PKHD1: variants seen among roughly 807,000 people sequenced by gnomAD.
PKHD1 encodes the protein PKHD1 ciliary IPT domain containing fibrocystin/polyductin.
In PKHD1, 291 loss-of-function variants were observed where a neutral mutation model predicts 412.0. That is an observed-to-expected ratio of 0.71 (90% CI 0.64 to 0.78). The LOEUF (loss-of-function observed/expected upper bound fraction) is 0.78. Ranked by LOEUF, PKHD1 falls within the 30% of genes least tolerant of loss-of-function variation. The pLI is 0.00. For synonymous variants in PKHD1, 1,777 were observed against 1,821.5 expected, an observed-to-expected ratio of 0.98 and a Z score of 0.62; for missense variants, 4,825 against 4,950.7, an observed-to-expected ratio of 0.97 and a Z score of 0.76.
At chr6:51,739,291 C>T (rs1445400319) in intron 60 of PKHD1, among the ~76,000 whole-genome samples, 1 of 151,704 alleles carries the variant, frequency 6.6e-6, no homozygotes, top group Non-Finnish European at 1.5e-5. Flanking sequence ...AGTGCAGTGG[C>T]GTCATCTTGG....
intron 52 of PKHD1, among the ~76,000 whole-genome samples, chr6:51,814,729 G>A (rs1582845205): frequency 1.3e-5 from 2 of 152,324 alleles, no homozygotes; most frequent in South Asian, 4.1e-4. Context: ...GTGGGAGGAG[G>A]GAGGAGGCAA....
At position 51,747,020 on chromosome 6, in the gene PKHD1, A is replaced by C. The variant is rs1785283182; in HGVS notation, c.9830-131T>G. 14 of 621,310 alleles carry C rather than the reference A, an allele frequency of 2.3e-5. No individual in the cohort carries two copies. The South Asian group carries it at 3.0e-4, about 13-fold the overall frequency. 38.5% of individuals were successfully genotyped at this position (621,310 alleles called of 1,614,324 possible). A position where few individuals can be genotyped will look rare whatever the true frequency, so the allele number is the denominator to read the frequency against. On this transcript the variant is annotated intron_variant, in intron 58 of 66. Transcript: ENST00000371117. ...AGTTAAAGCTATCCAGGATAGCCTTAGGAGTTTACATACATCTTGATATAA... is the reference window on the plus strand; with the variant it reads ...AGTTAAAGCTATCCAGGATAGCCTTCGGAGTTTACATACATCTTGATATAA...
At chr6:51,669,223 C>A (rs879042103) in intron 60 of PKHD1, among the ~76,000 whole-genome samples, 110 of 152,130 alleles carry the variant, frequency 7.2e-4, no homozygotes, top group African/African-American at 2.5e-3. Flanking sequence ...ACAATTTCAG[C>A]TCCTGTTATT....
intron 60 of PKHD1, among the ~76,000 whole-genome samples, chr6:51,723,280 C>G (rs1782156987): frequency 6.6e-6 from 1 of 152,112 alleles, no homozygotes; most frequent in Admixed American, 6.6e-5. Context: ...GTGATGAGTC[C>G]CATTTTCAAC....
At chr6:51,672,298 A>G (rs1775133148) in intron 60 of PKHD1, among the ~76,000 whole-genome samples, 1 of 152,208 alleles carries the variant, frequency 6.6e-6, no homozygotes, top group South Asian at 2.1e-4. Flanking sequence ...GTTTCCCCTT[A>G]GCTAGATTTC....
At chr6:51,989,881 AAAGGAAGGAAGGAAGGAGGGAGG>A (rs1562072017) in intron 35 of PKHD1, among the ~76,000 whole-genome samples, 12 of 80,498 alleles carry the variant, frequency 1.5e-4, no homozygotes, top group East Asian at 7.2e-4. Context: ...ACAAGGGAGA[AAAGGAAGGAAGGAAGGAGGGAGG>A]AAGGAAGGAA....
In PKHD1 at chr6:52,027,839, C is replaced by T. The variant is rs948061604; in HGVS notation, c.3618G>A (p.Gly1206=). 9 of 1,610,752 alleles carry T rather than the reference C, an allele frequency of 5.6e-6. No homozygotes were observed. The highest frequency in any genetic ancestry group is 1.7e-5 in the Admixed American group (1 of 60,024). ...ATAAGAGCCACTCACCCAGCAGGGA[C>T]CCACAGCAAGGCTCGATGCTGAAAA... ...TEVFSIEPCC[G]SLLGGTILSI... is the part of the protein sequence containing the mutation. Residue 1206 remains glycine (G), a synonymous_variant, in exon 31 of 67, where the codon GGG becomes GGA. Transcript: ENST00000371117.
chr6:52,065,309 C>A (rs1210429906), intron 12 of PKHD1, among the ~76,000 whole-genome samples: 2 of 151,354 alleles, frequency 1.3e-5, no homozygotes, highest in African/African-American at 4.9e-5. Context: ...AAAGTTGTCA[C>A]CCCAATTGAA....
At chr6:52,029,477 T>C (rs1169246991) in intron 29 of PKHD1, among the ~76,000 whole-genome samples, 1 of 152,160 alleles carries the variant, frequency 6.6e-6, no homozygotes, top group Non-Finnish European at 1.5e-5. Context: ...CAATAAAAGA[T>C]ATACTACAAG....
intron 36 of PKHD1, among the ~76,000 whole-genome samples, chr6:51,951,630 G>A (rs1249054804): frequency 6.6e-6 from 1 of 152,096 alleles, no homozygotes; most frequent in Non-Finnish European, 1.5e-5. Context: ...TTTTAAAAAT[G>A]AGAATACAGT....
intron 36 of PKHD1, among the ~76,000 whole-genome samples, chr6:51,945,001 T>A (rs1789243113): frequency 6.6e-6 from 1 of 152,242 alleles, no homozygotes; most frequent in Non-Finnish European, 1.5e-5. Flanking sequence ...ACCACACTGC[T>A]TACCAGACTT....
At chr6:52,086,451 A>C (rs1328129025) in intron 1 of PKHD1, among the ~76,000 whole-genome samples, 1 of 152,136 alleles carries the variant, frequency 6.6e-6, no homozygotes, top group African/African-American at 2.4e-5. Flanking sequence ...GATTAGCAGA[A>C]GTAGTTACAT....
chr6:51,885,862 C>T lies in PKHD1; in HGVS notation c.7215+5G>A. ...AACAATAACAACAACAACAAAAAAG[C>T]TTACCTGGGCACCACCTGCACTTTC... On this transcript the variant is annotated splice_donor_5th_base_variant and intron_variant, in intron 45 of 66. Coordinates refer to ENST00000371117, the MANE Select transcript of PKHD1 (RefSeq NM_138694.4). The T allele has an allele frequency of 1.3e-6, 2 of 1,583,452 alleles. No individual in the cohort carries two copies.
intron 53 of PKHD1, among the ~76,000 whole-genome samples, chr6:51,783,467 T>C (rs1231324793): frequency 2.3e-5 from 3 of 127,908 alleles, no homozygotes; most frequent in African/African-American, 8.1e-5. Flanking sequence ...GAAGTCCTTC[T>C]AAAAATATTA....
At chr6:51,991,895 T>C (rs1283757413) in intron 35 of PKHD1, among the ~76,000 whole-genome samples, 1 of 152,254 alleles carries the variant, frequency 6.6e-6, no homozygotes, top group African/African-American at 2.4e-5. Flanking sequence ...TATTTCATCA[T>C]ATTCCTATAC....
chr6:52,005,834 C>T (rs976068794), intron 35 of PKHD1, among the ~76,000 whole-genome samples: 6 of 151,730 alleles, frequency 4.0e-5, no homozygotes, highest in Admixed American at 6.6e-5. Flanking sequence ...GGAAAACCTA[C>T]GTAACTTTTT....
intron 61 of PKHD1, among the ~76,000 whole-genome samples, chr6:51,655,485 C>T (rs1265491192): frequency 2.6e-5 from 4 of 152,092 alleles, no homozygotes; most frequent in Admixed American, 6.6e-5. Context: ...ATTGCACACA[C>T]CCAGACACAC....
intron 25 of PKHD1, 121 bp from the exon 26 acceptor site, chr6:52,043,851 T>C (rs773265112): frequency 4.5e-6 from 3 of 673,504 alleles, no homozygotes; most frequent in Non-Finnish European, 8.0e-6. Flanking sequence ...TTCTTATTCC[T>C]TTTTTCTATT....
intron 37 of PKHD1, among the ~76,000 whole-genome samples, chr6:51,919,900 A>G (rs1373840227): frequency 6.6e-6 from 1 of 152,170 alleles, no homozygotes. Flanking sequence ...GCAATTGTGA[A>G]TGGGAGTTCA....
Sources: gnomAD v4.1 joint callset for allele counts (sites outside exome capture counted in the v4.1 genomes callset) on GRCh38, gnomAD v4.1.1 for gene constraint, MANE v1.5 for transcripts, NCBI Gene and HGNC (gene_info 2026-07-23, HGNC 2026-07-21) for gene names.